KMT5A: variants seen among roughly 807,000 people sequenced by gnomAD.
The protein encoded by KMT5A is N-lysine methyltransferase KMT5A.
Under a neutral mutation model 40.6 loss-of-function variants are expected in KMT5A, and 6 were observed. That is an observed-to-expected ratio of 0.15 (90% CI 0.08 to 0.29). The LOEUF (loss-of-function observed/expected upper bound fraction) is 0.29, where lower values mean the gene tolerates loss of function less well. Among genes scored for constraint, KMT5A ranks in the 10% least tolerant of loss-of-function variants. The probability of loss-of-function intolerance (pLI) is 1.00; values close to 1 mark genes in which losing one functional copy is unlikely to be tolerated. For synonymous variants in KMT5A, 153 were observed against 178.8 expected, an observed-to-expected ratio of 0.86 and a Z score of 1.15; for missense variants, 308 against 459.1, an observed-to-expected ratio of 0.67 and a Z score of 3.01.
At chr12:123,387,970 G>A (rs1359152465) in intron 1 of KMT5A, among the ~76,000 whole-genome samples, 6 of 152,210 alleles carry the variant, frequency 3.9e-5, no homozygotes, top group South Asian at 2.1e-4. Flanking sequence ...TGGATGCCTT[G>A]AAGTGTCTTG....
chr12:123,392,699 C>G (rs1487838158), intron 3 of KMT5A, among the ~76,000 whole-genome samples: 1 of 152,112 alleles, frequency 6.6e-6, no homozygotes, highest in African/African-American at 2.4e-5. Context: ...GTCAGCTGGA[C>G]TTTGGAGACC....
chr12:123,390,072 C>T (rs996620749), intron 2 of KMT5A: 1 of 468,820 alleles, frequency 2.1e-6, no homozygotes, highest in African/African-American at 2.0e-5. Flanking sequence ...TCCTGCTCTT[C>T]CCAGATTCCC....
intron 6 of KMT5A, among the ~76,000 whole-genome samples, chr12:123,404,657 C>T (rs534675014): frequency 1.3e-5 from 2 of 152,146 alleles, no homozygotes; most frequent in Admixed American, 6.6e-5. Context: ...CAAGGAACCA[C>T]GTTTGTGGAG....
chr12:123,403,935 C>T (rs1410078419), intron 6 of KMT5A, among the ~76,000 whole-genome samples: 3 of 152,248 alleles, frequency 2.0e-5, no homozygotes, highest in Middle Eastern at 3.4e-3. Context: ...TTATCCCTGT[C>T]TAATTTCAGA....
At position 123,389,456 on chromosome 12, in the gene KMT5A, G is replaced by A; in HGVS notation, c.34G>A (p.Ala12Thr). 9.1e-7 allele frequency: 1 copy of A among 1,097,986 alleles called. No individual in the cohort carries two copies. The highest frequency in any genetic ancestry group is 1.1e-6 in the Non-Finnish European group (1 of 907,942). The allele number at this position is 1,097,986 out of a possible 1,614,324, so 68.0% of individuals were successfully genotyped here. The change falls in exon 2 of 8, where the codon GCG (alanine) becomes ACG (threonine). Residue 12 changes from alanine to threonine, a missense_variant. By Grantham distance (58) the Ala-to-Thr change is moderately conservative. This residue lies in a region of KMT5A where 92 missense variants were observed against 78.3 expected (regional missense o/e 1.18). Transcript: ENST00000402868. The stretch of plus-strand genomic sequence containing the variant: ...AGGCAGGAAGATGTCCAAGCCCCGC[G>A]CGGTGGAGGCGGCGGCGGCGGCGGC... ...ARGRKMSKPR[A>T]VEAAAAAAAV...
At position 123,405,090 on chromosome 12, in the gene KMT5A, C is replaced by G. The variant is rs201640889; in HGVS notation, c.848+16C>G. The stretch of plus-strand genomic sequence containing the variant: ...AAACCTACTGGTGAGTCCACTGTTG[C>G]TTAGAGTGGCTTTTCTGTCCTCTGG... On this transcript the variant is annotated intron_variant, in intron 7 of 7. Coordinates refer to ENST00000402868, the MANE Select transcript of KMT5A (RefSeq NM_020382.7). 38 of 1,594,352 alleles carry G rather than the reference C, an allele frequency of 2.4e-5. No individual in the cohort carries two copies. In the East Asian group the frequency reaches 8.3e-4, roughly 35 times the overall value.
At chr12:123,391,828 T>C (rs916303465) in intron 3 of KMT5A, among the ~76,000 whole-genome samples, 2 of 152,188 alleles carry the variant, frequency 1.3e-5, no homozygotes, top group African/African-American at 4.8e-5. Flanking sequence ...GTGTCATAAA[T>C]GACGATTTGG....
chr12:123,407,729 C>T lies in KMT5A; in HGVS notation c.*26C>T. ...CCGGTGGGCCCCGTGCCCTCCCCGC[C>T]CCACTTTCCCTTCTTCAAAGGACAA... On this transcript the variant is annotated 3_prime_UTR_variant, in exon 8 of 8. Coordinates refer to ENST00000402868, the MANE Select transcript of KMT5A (RefSeq NM_020382.7). The T allele has an allele frequency of 1.3e-6, 2 of 1,580,936 alleles. No individual in the cohort carries two copies. Among genetic ancestry groups the T allele is most frequent in the Non-Finnish European group, 1.7e-6 (2 of 1,158,760 alleles).
At chr12:123,400,392 A>C in intron 5 of KMT5A, among the ~76,000 whole-genome samples, 1 of 145,650 alleles carries the variant, frequency 6.9e-6, no homozygotes. Flanking sequence ...ACAGAGTCTC[A>C]CTCTGTAGCC....
intron 5 of KMT5A, among the ~76,000 whole-genome samples, chr12:123,402,029 G>A (rs1268089410): frequency 1.3e-5 from 2 of 152,172 alleles, no homozygotes; most frequent in African/African-American, 4.8e-5. Flanking sequence ...GGGACCAAAG[G>A]TGTACGCCAC....
intron 6 of KMT5A, 47 bp downstream of exon 6, chr12:123,403,679 C>T (rs1878341050): frequency 6.2e-7 from 1 of 1,607,556 alleles, no homozygotes; most frequent in South Asian, 1.1e-5. Context: ...GCTGGAAGAG[C>T]TCACCTTCCC....
At chr12:123,395,337 C>T in intron 4 of KMT5A, 71 bp downstream of exon 4, 2 of 1,501,544 alleles carry the variant, frequency 1.3e-6, no homozygotes. Context: ...GAAGCCTGCT[C>T]AGGTGCCCAT....
intron 6 of KMT5A, among the ~76,000 whole-genome samples, chr12:123,403,916 A>G (rs369355732): frequency 1.3e-5 from 2 of 152,288 alleles, no homozygotes; most frequent in South Asian, 4.1e-4. Flanking sequence ...TCACAATGCA[A>G]TGCAACCATT....
At chr12:123,394,762 C>T (rs187773996) in intron 3 of KMT5A, among the ~76,000 whole-genome samples, 19 of 152,306 alleles carry the variant, frequency 1.2e-4, no homozygotes, top group African/African-American at 4.6e-4. Flanking sequence ...ACCCTGCCAG[C>T]GTCTCCGTCT....
At chr12:123,396,164 C>T (rs1244722561) in intron 4 of KMT5A, among the ~76,000 whole-genome samples, 181 bp from the exon 5 acceptor site, 1 of 152,174 alleles carries the variant, frequency 6.6e-6, no homozygotes, top group African/African-American at 2.4e-5. Context: ...GTCTTTGAAA[C>T]TCCTCTGAGG....
chr12:123,399,806 C>T (rs1878012601), intron 5 of KMT5A, among the ~76,000 whole-genome samples: 1 of 152,124 alleles, frequency 6.6e-6, no homozygotes, highest in Admixed American at 6.6e-5. Context: ...TGTGAGACCC[C>T]ATCTTTTGTG....
intron 1 of KMT5A, among the ~76,000 whole-genome samples, chr12:123,387,695 C>T (rs899091388): frequency 2.6e-5 from 4 of 152,218 alleles, no homozygotes; most frequent in Admixed American, 2.6e-4. Context: ...CTGTCACCAC[C>T]TAATCCTACT....
At chr12:123,385,187 T>C (rs1593450340) in intron 1 of KMT5A, among the ~76,000 whole-genome samples, 2 of 152,304 alleles carry the variant, frequency 1.3e-5, no homozygotes, top group Admixed American at 1.3e-4. Context: ...TTGGGTCCCT[T>C]TGTTTTCAGG....
At chr12:123,390,292 A>C (rs1050384141) in intron 2 of KMT5A, 67 of 385,562 alleles carry the variant, frequency 1.7e-4, no homozygotes, top group Admixed American at 1.1e-4. Flanking sequence ...GAACTCCTAA[A>C]GATAGCCTAG....
Sources: allele counts gnomAD v4.1 joint callset (sites outside exome capture counted in the v4.1 genomes callset), GRCh38; gene constraint gnomAD v4.1.1; regional missense constraint gnomAD v4.1.1; transcripts MANE v1.5; gene names NCBI Gene and HGNC (gene_info 2026-07-23, HGNC 2026-07-21).